STPG1: variants seen among roughly 807,000 people sequenced by gnomAD.
The protein encoded by STPG1 is sperm tail PG-rich repeat containing 1.
A neutral mutation model predicts 40.1 loss-of-function variants in STPG1; 33 were observed. The ratio of observed to expected loss-of-function variants is 0.82; its 90% confidence interval spans 0.62 to 1.10. STPG1 has a LOEUF of 1.10. Among genes scored for constraint, STPG1 ranks in the 50% least tolerant of loss-of-function variants. The pLI is 0.00. For missense variants in STPG1, 396 were observed against 415.1 expected, an observed-to-expected ratio of 0.95 and a Z score of 0.40; for synonymous variants, 150 against 155.0, an observed-to-expected ratio of 0.97 and a Z score of 0.24.
chr1:24,391,314 G>A (rs1285312281), intron 3 of STPG1: 1 of 308,874 alleles, frequency 3.2e-6, no homozygotes, highest in Non-Finnish European at 5.9e-6. Flanking sequence ...AAATAGTTTT[G>A]GTCCAGTTCA....
At chr1:24,367,254 T>G (rs1641517619) in intron 7 of STPG1, among the ~76,000 whole-genome samples, 1 of 152,208 alleles carries the variant, frequency 6.6e-6, no homozygotes. Context: ...GTCTGCTGAC[T>G]GACAAATGCA....
At chr1:24,375,368 T>C (rs1641973180) in intron 5 of STPG1, among the ~76,000 whole-genome samples, 1 of 152,154 alleles carries the variant, frequency 6.6e-6, no homozygotes, top group African/African-American at 2.4e-5. Context: ...TTTGATTTGC[T>C]GTGATACTCC....
intron 3 of STPG1, among the ~76,000 whole-genome samples, chr1:24,390,893 C>T (rs913359920): frequency 6.6e-6 from 1 of 151,616 alleles, no homozygotes; most frequent in Admixed American, 6.6e-5. Context: ...TCGACCTCCT[C>T]GGTTCAGGTG....
At chr1:24,386,182 G>T (rs1642496118) in intron 3 of STPG1, among the ~76,000 whole-genome samples, 1 of 152,214 alleles carries the variant, frequency 6.6e-6, no homozygotes, top group Non-Finnish European at 1.5e-5. Context: ...GGACATACTT[G>T]TACTAACAGA....
intron 5 of STPG1, among the ~76,000 whole-genome samples, chr1:24,376,402 C>T (rs748096065): frequency 1.2e-4 from 18 of 152,142 alleles, no homozygotes; most frequent in Non-Finnish European, 1.9e-4. Flanking sequence ...TGGGTTTCTA[C>T]AGGGCTTGAA....
rs371907544 is a variant in STPG1, at chr1:24,403,229, C to G, written c.-68-1773G>C. ...TCTGCTAAAAAGAATACCCTTTTTT[C>G]ACTGAATTATCTTGGCACACTCATC... On this transcript the variant is annotated intron_variant, in intron 1 of 8. Coordinates refer to ENST00000337248, the MANE Select transcript of STPG1 (RefSeq NM_001199013.2). Among the ~76,000 whole-genome samples the G allele has an allele frequency of 2.0e-5, 3 of 151,916 alleles. No homozygotes were observed. The East Asian group carries it at 5.8e-4, about 29-fold the overall frequency.
At chr1:24,373,896 G>A (rs894379110) in intron 5 of STPG1, 86 bp from the exon 6 acceptor site, 10 of 1,004,318 alleles carry the variant, frequency 1.0e-5, no homozygotes, top group East Asian at 2.4e-5. Flanking sequence ...GCAAATCTAC[G>A]TAAAAAAAAT....
intron 1 of STPG1, among the ~76,000 whole-genome samples, chr1:24,406,639 G>A (rs561870102): frequency 6.6e-6 from 1 of 152,020 alleles, no homozygotes. Flanking sequence ...ACTGAGTATA[G>A]AATTATGGGT....
At chr1:24,392,093 C>T (rs754673019) in intron 2 of STPG1, 1 of 990,760 alleles carries the variant, frequency 1.0e-6, no homozygotes, top group Non-Finnish European at 1.2e-6. Context: ...AGCATTAGGC[C>T]GTTAAAATCC....
intron 5 of STPG1, among the ~76,000 whole-genome samples, chr1:24,374,222 C>CAGAG (rs1473553618): frequency 1.4e-5 from 2 of 147,468 alleles, no homozygotes; most frequent in Non-Finnish European, 3.0e-5. Flanking sequence ...GGTGGCCCAG[C>CAGAG]AGAGATCACC....
chr1:24,374,233 G>A (rs540491844), intron 5 of STPG1, among the ~76,000 whole-genome samples: 74 of 146,162 alleles, frequency 5.1e-4, no homozygotes, highest in African/African-American at 1.7e-3. Context: ...AGAGATCACC[G>A]CTAGGAAAGT....
At position 24,358,223 on chromosome 1, in the gene STPG1, C is replaced by A. The variant is rs1640848452; in HGVS notation, c.*320G>T. 1 of 574,302 alleles carries A rather than the reference C, an allele frequency of 1.7e-6. No individual in the cohort carries two copies. Among genetic ancestry groups the A allele is most frequent in the Admixed American group, 2.2e-5 (1 of 46,094 alleles). 35.6% of individuals were successfully genotyped at this position (574,302 alleles called of 1,614,324 possible). On this transcript the variant is annotated 3_prime_UTR_variant, in exon 9 of 9. Coordinates refer to ENST00000337248, the MANE Select transcript of STPG1 (RefSeq NM_001199013.2). ...TCTGCGCTTCAGGAGTCCCTTCAGT[C>A]TGCGGCAGGGAGTCGTGCCGGAAGG...
At chr1:24,396,271 C>CTATT (rs1642997078) in intron 2 of STPG1, among the ~76,000 whole-genome samples, 1 of 79,184 alleles carries the variant, frequency 1.3e-5, no homozygotes, top group Admixed American at 1.3e-4. Flanking sequence ...CCATCTATAG[C>CTATT]TATCTATCTA....
chr1:24,384,699 G>T (rs1642431928), intron 3 of STPG1, among the ~76,000 whole-genome samples: 1 of 152,180 alleles, frequency 6.6e-6, no homozygotes, highest in Admixed American at 6.5e-5. Context: ...ACAGAAGTTG[G>T]CTGAGTGGTG....
rs191618939 is a variant in STPG1 at position 24,384,951 on chromosome 1, A to C, written c.190-948T>G. Among the ~76,000 whole-genome samples, 88 of 152,250 alleles carry C rather than the reference A, an allele frequency of 5.8e-4. 1 individual carries two copies. The highest frequency in any genetic ancestry group is 6.8e-3 in the Middle Eastern group (2 of 294). On this transcript the variant is annotated intron_variant, in intron 3 of 8. Coordinates refer to ENST00000337248, the MANE Select transcript of STPG1 (RefSeq NM_001199013.2). ...GTGTGTGCTGTCTTGTTTACTCCTC[A>C]CAACAAGCCTTTTACAGTGAGGTAT... is the stretch of plus-strand genomic sequence containing the variant.
chr1:24,364,091 C>G, intron 7 of STPG1: 1 of 1,439,420 alleles, frequency 6.9e-7, no homozygotes, highest in Non-Finnish European at 9.2e-7. Flanking sequence ...AGTTCAGCAA[C>G]TCCATGCCTT....
chr1:24,369,638 C>G lies in STPG1; in HGVS notation c.737+36G>C, dbSNP rs746728660. On this transcript the variant is annotated intron_variant, in intron 7 of 8. Transcript: ENST00000337248. ...ATGTTGGGCTTCTTCCCCACAACCA[C>G]CTTTCAAAAGAAAGACCAGAATGAT... 5.1e-6 allele frequency: 8 copies of G among 1,555,940 alleles called. No individual in the cohort carries two copies. In the East Asian group the frequency reaches 1.6e-4, roughly 31 times the overall value.
At chr1:24,390,441 T>C (rs1027487765) in intron 3 of STPG1, among the ~76,000 whole-genome samples, 3 of 152,104 alleles carry the variant, frequency 2.0e-5, no homozygotes, top group African/African-American at 7.2e-5. Flanking sequence ...GATTTTGAGA[T>C]GGAGTCTCAT....
intron 7 of STPG1, chr1:24,369,236 A>T: frequency 2.5e-6 from 1 of 399,938 alleles, no homozygotes. Flanking sequence ...ATGTCCTGCC[A>T]CTCCAGCGAA....
Sources: allele counts gnomAD v4.1 joint callset (sites outside exome capture counted in the v4.1 genomes callset), GRCh38; gene constraint gnomAD v4.1.1; transcripts MANE v1.5; gene names NCBI Gene and HGNC (gene_info 2026-07-23, HGNC 2026-07-21).